The following CD5 variants were observed in gnomAD, a reference collection of about 807,000 sequenced individuals.
CD5 encodes CD5 molecule.
Under a neutral mutation model 60.3 loss-of-function variants are expected in CD5, and 36 were observed. That is an observed-to-expected ratio of 0.60 (90% CI 0.46 to 0.79). CD5 has a LOEUF of 0.79. Ranked by LOEUF, CD5 falls within the 30% of genes least tolerant of loss-of-function variation. The probability of loss-of-function intolerance (pLI) is 0.00; values close to 1 mark genes in which losing one functional copy is unlikely to be tolerated. For synonymous variants in CD5, 230 were observed against 257.6 expected, an observed-to-expected ratio of 0.89 and a Z score of 1.03; for missense variants, 540 against 630.6, an observed-to-expected ratio of 0.86 and a Z score of 1.54.
chr11:61,114,515 CCTGTAATCCTAGCTA>C (rs1860908947), intron 1 of CD5, among the ~76,000 whole-genome samples: 1 of 152,104 alleles, frequency 6.6e-6, no homozygotes, highest in South Asian at 2.1e-4. Context: ...GTGGCTCATG[CCTGTAATCCTAGCTA>C]CTCAAGAGGC....
chr11:61,103,065 C>T (rs937375631), intron 1 of CD5, among the ~76,000 whole-genome samples: 1 of 152,218 alleles, frequency 6.6e-6, no homozygotes, highest in Non-Finnish European at 1.5e-5. Flanking sequence ...ATGCTCTGGA[C>T]AGACAGTGGG....
In CD5 at chr11:61,118,170, C is replaced by T. The variant is rs1246093376; in HGVS notation, c.95-5C>T. On this transcript the variant is annotated splice_polypyrimidine_tract_variant and splice_region_variant and intron_variant, in intron 2 of 10. Transcript: ENST00000347785. The surrounding 1 kb of genome is among the most constrained non-coding windows in gnomAD (Gnocchi z 4.7). ...TGACCCCCACCACACCTTTCTGACC[C>T]CCAGATTTCCAGGCAAGGCTCACCC... 6.2e-7 allele frequency: 1 copy of T among 1,611,692 alleles called. No homozygotes were observed. The highest frequency in any genetic ancestry group is 1.1e-5 in the South Asian group (1 of 90,988).
intron 1 of CD5, among the ~76,000 whole-genome samples, chr11:61,105,414 C>T (rs925869300): frequency 1.3e-5 from 2 of 152,148 alleles, no homozygotes; most frequent in African/African-American, 4.8e-5. Flanking sequence ...TTTTCTCATC[C>T]GTAAACTGGG....
chr11:61,106,534 G>A (rs924657520), intron 1 of CD5, among the ~76,000 whole-genome samples: 4 of 152,132 alleles, frequency 2.6e-5, no homozygotes, highest in Non-Finnish European at 4.4e-5. Flanking sequence ...GAAGGGACCT[G>A]GGGGCCCAGG....
At position 61,125,046 on chromosome 11, in the gene CD5, A is replaced by G; in HGVS notation, c.1294A>G (p.Asn432Asp). Residue 432 changes from asparagine (N) to aspartate (D), a missense_variant, in exon 9 of 11, where the codon AAC (asparagine) becomes GAC (aspartate). Asn to Asp is a conservative substitution (Grantham distance 23). Coordinates refer to ENST00000347785, the MANE Select transcript of CD5 (RefSeq NM_014207.4). Reference protein sequence around the residue: ...GMNQNMSFHRNHTATVRSHAE... With the variant: ...GMNQNMSFHRDHTATVRSHAE... ...CATCTGCCCAGTGTCTTTCCATCGCAACCACACGGCAACCGTCCGATCCCA... is the reference window on the plus strand; with the variant it reads ...CATCTGCCCAGTGTCTTTCCATCGCGACCACACGGCAACCGTCCGATCCCA... 6.2e-7 allele frequency: 1 copy of G among 1,614,076 alleles called. No individual in the cohort carries two copies. Among genetic ancestry groups the G allele is most frequent in the South Asian group, 1.1e-5 (1 of 91,078 alleles).
chr11:61,115,106 C>A lies in CD5; in HGVS notation c.94+12C>A. The A allele has an allele frequency of 6.4e-7, 1 of 1,553,580 alleles. No homozygotes were observed. The highest frequency in any genetic ancestry group is 1.4e-5 in the African/African-American group (1 of 73,362). On this transcript the variant is annotated intron_variant, in intron 2 of 10. Transcript: ENST00000347785. Reference sequence around the variant, plus strand: ...CTGGTATGACCCAGGTAAGGAAGAGCCACATGGAGAAAGGCCTGGGGCAGG... The same window carrying A: ...CTGGTATGACCCAGGTAAGGAAGAGACACATGGAGAAAGGCCTGGGGCAGG...
chr11:61,122,312 GTGGATGGATGGATGGA>G (rs759628102), intron 6 of CD5, among the ~76,000 whole-genome samples: 7 of 50,600 alleles, frequency 1.4e-4, no homozygotes, highest in Non-Finnish European at 2.4e-4. Context: ...GGGTGGGTGG[GTGGATGGATGGATGGA>G]TGGATGGATG....
At chr11:61,126,093 A>C (rs1403507131) in intron 10 of CD5, among the ~76,000 whole-genome samples, 195 bp from the exon 11 acceptor site, 1 of 152,260 alleles carries the variant, frequency 6.6e-6, no homozygotes, top group Non-Finnish European at 1.5e-5. Flanking sequence ...AAGGCCACAC[A>C]GGCAGAGTCC....
upstream of CD5, among the ~76,000 whole-genome samples, chr11:61,101,662 A>ACATT (rs1176820307): frequency 1.3e-5 from 2 of 151,550 alleles, no homozygotes. Flanking sequence ...CATGGAGATC[A>ACATT]CACACACATC....
the CD5 span, among the ~76,000 whole-genome samples, chr11:61,096,656 C>T: frequency 6.6e-6 from 1 of 152,192 alleles, no homozygotes; most frequent in East Asian, 1.9e-4. Flanking sequence ...CAAAGCAGGG[C>T]TCTTTACAGC....
At chr11:61,114,208 C>A (rs999094762) in intron 1 of CD5, among the ~76,000 whole-genome samples, 1 of 152,152 alleles carries the variant, frequency 6.6e-6, no homozygotes, top group Non-Finnish European at 1.5e-5. Flanking sequence ...AACTTCTGGG[C>A]TCAAGCGGTC....
chr11:61,104,769 TG>T (rs1310355494), intron 1 of CD5, among the ~76,000 whole-genome samples: 1 of 152,216 alleles, frequency 6.6e-6, no homozygotes, highest in African/African-American at 2.4e-5. Context: ...GTGGGCCCAT[TG>T]GCCCCATTTT....
At chr11:61,125,295 A>G (rs1861132244) in intron 9 of CD5, 144 bp downstream of exon 9, 1 of 887,474 alleles carries the variant, frequency 1.1e-6, no homozygotes, top group African/African-American at 1.7e-5. Flanking sequence ...ACATCGCAGG[A>G]TGCAGCAGGG....
intron 1 of CD5, among the ~76,000 whole-genome samples, chr11:61,102,975 G>C (rs906797063): frequency 6.6e-6 from 1 of 152,212 alleles, no homozygotes; most frequent in Admixed American, 6.5e-5. Context: ...CCCTCTGCGA[G>C]GTCCCCCACT....
chr11:61,103,078 G>A (rs73484399), intron 1 of CD5, among the ~76,000 whole-genome samples: 4,976 of 152,292 alleles, frequency 0.033, 271 homozygotes, highest in African/African-American at 0.11. Context: ...ACAGTGGGCC[G>A]AGGCAGGGTG....
intron 1 of CD5, among the ~76,000 whole-genome samples, chr11:61,108,949 C>T (rs1487222109): frequency 6.6e-6 from 1 of 152,154 alleles, no homozygotes; most frequent in Non-Finnish European, 1.5e-5. Context: ...CCTGTGAATC[C>T]GGGTGCCTGC....
chr11:61,122,422 A>T, intron 6 of CD5, among the ~76,000 whole-genome samples: 1 of 117,472 alleles, frequency 8.5e-6, no homozygotes, highest in African/African-American at 3.7e-5. Context: ...TGGATGGATC[A>T]GTGGGTGGGT....
chr11:61,121,818 G>A lies in CD5; in HGVS notation c.1013G>A (p.Arg338Gln), dbSNP rs201940040. 1.9e-5 allele frequency: 31 copies of A among 1,606,436 alleles called. No homozygotes were observed. Among genetic ancestry groups the A allele is most frequent in the Middle Eastern group, 1.7e-4 (1 of 6,050 alleles). Residue 338 changes from arginine to glutamine, a missense_variant, in exon 6 of 11, where the codon CGG becomes CAG. Transcript: ENST00000347785. Reference protein sequence around the residue: ...RVLDAGDPTSRGLFCPHQKLS... With the variant: ...RVLDAGDPTSQGLFCPHQKLS... ...CTGGACGCTGGTGACCCAACATCCCGGGGGCTCTTCTGTCCCCATCAGAAG... is the reference window on the plus strand; with the variant it reads ...CTGGACGCTGGTGACCCAACATCCCAGGGGCTCTTCTGTCCCCATCAGAAG...
intron 1 of CD5, among the ~76,000 whole-genome samples, chr11:61,104,916 C>G (rs1187166957): frequency 1.3e-5 from 2 of 152,236 alleles, no homozygotes; most frequent in Non-Finnish European, 2.9e-5. Flanking sequence ...GGAAGGCCAC[C>G]AAAGGCACTT....
Sources: allele counts gnomAD v4.1 joint callset (sites outside exome capture counted in the v4.1 genomes callset), GRCh38; gene constraint gnomAD v4.1.1; non-coding constraint Gnocchi (gnomAD v3.1); transcripts MANE v1.5; gene names NCBI Gene and HGNC (gene_info 2026-07-23, HGNC 2026-07-21).